The following C12orf50 variants were observed in gnomAD, a reference collection of about 807,000 sequenced individuals.
C12orf50 encodes uncharacterized protein C12orf50.
C12orf50 carries 35 observed loss-of-function variants against 61.6 expected under a neutral mutation model. The ratio of observed to expected loss-of-function variants is 0.57; its 90% CI spans 0.43 to 0.75. The LOEUF (loss-of-function observed/expected upper bound fraction) is 0.75. C12orf50 is among the 30% of genes least tolerant of loss of function. C12orf50 has a pLI of 0.00. For missense variants in C12orf50, 475 were observed against 488.5 expected, an observed-to-expected ratio of 0.97 and a Z score of 0.26; for synonymous variants, 178 against 161.5, an observed-to-expected ratio of 1.10 and a Z score of -0.77.
In C12orf50 at chr12:87,986,332, G is replaced by A. The variant is rs2030820055; in HGVS notation, c.902C>T (p.Pro301Leu). 1 of 1,605,492 alleles carries A rather than the reference G, an allele frequency of 6.2e-7. No individual in the cohort carries two copies. The highest frequency in any genetic ancestry group is 1.7e-5 in the Admixed American group (1 of 58,946). Residue 301 changes from proline (P) to leucine (L), a missense_variant, in exon 10 of 13, where the codon CCT becomes CTT. By Grantham distance (98) the Pro-to-Leu change is moderately conservative (BLOSUM62 -3). Coordinates refer to ENST00000298699, the MANE Select transcript of C12orf50 (RefSeq NM_152589.3). Reference sequence around the variant, plus strand: ...CTTACCTCTCTGCATTCCAGAGTTAGGAAAGTTCTGTGGTTCATCATAAAT... The same window carrying A: ...CTTACCTCTCTGCATTCCAGAGTTAAGAAAGTTCTGTGGTTCATCATAAAT... Reference protein sequence around the residue: ...KWIYDEPQNFPNSGMQRAVQA... With the variant: ...KWIYDEPQNFLNSGMQRAVQA...
At position 87,994,871 on chromosome 12, in the gene C12orf50, C is replaced by A. The variant is rs954170101; in HGVS notation, c.482-128G>T. ...ATGCAAGTATTGTTTGCACAGTGAT[C>A]TGATAAACAATAAATTAATAAATAC... is the stretch of plus-strand genomic sequence containing the variant. On this transcript the variant is annotated intron_variant, in intron 6 of 12. Coordinates refer to ENST00000298699, the MANE Select transcript of C12orf50 (RefSeq NM_152589.3). 8 of 594,818 alleles carry A rather than the reference C, an allele frequency of 1.3e-5. No individual in the cohort carries two copies. The Admixed American group carries it at 2.4e-4, about 18-fold the overall frequency. The allele number at this position is 594,818 out of a possible 1,614,324, so 36.8% of individuals were successfully genotyped here. A position where few individuals can be genotyped will look rare whatever the true frequency, so the allele number is the denominator to read the frequency against.
intron 3 of C12orf50, among the ~76,000 whole-genome samples, chr12:87,999,369 T>C (rs2031556062): frequency 6.6e-6 from 1 of 152,006 alleles, no homozygotes; most frequent in Non-Finnish European, 1.5e-5. Flanking sequence ...AGGCTGCATT[T>C]AGCCGAGATC....
chr12:88,008,826 G>A (rs2031989709), intron 3 of C12orf50, among the ~76,000 whole-genome samples: 1 of 151,986 alleles, frequency 6.6e-6, no homozygotes, highest in Non-Finnish European at 1.5e-5. Flanking sequence ...CTTTTTGTTT[G>A]TCCTTATGAT....
At chr12:88,018,968 A>G (rs1311188741) in intron 3 of C12orf50, among the ~76,000 whole-genome samples, 3 of 152,130 alleles carry the variant, frequency 2.0e-5, no homozygotes, top group African/African-American at 4.8e-5. Context: ...CTCAGATGAG[A>G]CTTTGGACTG....
intron 3 of C12orf50, among the ~76,000 whole-genome samples, chr12:88,003,845 T>TC (rs2031748104): frequency 6.6e-6 from 1 of 152,168 alleles, no homozygotes; most frequent in Non-Finnish European, 1.5e-5. Context: ...CAGATTAATT[T>TC]TTTAATTAAA....
chr12:88,018,789 G>T (rs909819237), intron 3 of C12orf50, among the ~76,000 whole-genome samples: 17 of 152,230 alleles, frequency 1.1e-4, no homozygotes, highest in African/African-American at 3.9e-4. Flanking sequence ...AGATTTGTCT[G>T]CCCTGCTGGA....
At chr12:88,002,400 A>T (rs938878549) in intron 3 of C12orf50, among the ~76,000 whole-genome samples, 4 of 151,822 alleles carry the variant, frequency 2.6e-5, no homozygotes, top group Non-Finnish European at 5.9e-5. Context: ...ATCACCTAGA[A>T]TGTGATCTAT....
chr12:87,998,075 T>G lies in C12orf50; in HGVS notation c.249A>C (p.Lys83Asn). The G allele has an allele frequency of 6.2e-6, 10 of 1,612,218 alleles. No homozygotes were observed. The highest frequency in any genetic ancestry group is 7.6e-6 in the Non-Finnish European group (9 of 1,179,048). ...SRPIHHPLVL[K>N]TNFEEEEEVD... ...CTTCCTCTTCTTCCTCAAAATTAGT[T>G]TTTAAAACTAAAGGATGGTGGATGG... The change falls in exon 4 of 13, where the codon AAA becomes AAC. Residue 83 changes from lysine (K) to asparagine (N), a missense_variant. Coordinates refer to ENST00000298699, the MANE Select transcript of C12orf50 (RefSeq NM_152589.3).
intron 3 of C12orf50, among the ~76,000 whole-genome samples, chr12:88,001,023 C>G (rs1252988251): frequency 6.6e-6 from 1 of 151,758 alleles, no homozygotes; most frequent in African/African-American, 2.4e-5. Flanking sequence ...GATGTTGCAA[C>G]AATTTCCCTG....
At chr12:88,002,769 T>G (rs570529808) in intron 3 of C12orf50, among the ~76,000 whole-genome samples, 1 of 151,884 alleles carries the variant, frequency 6.6e-6, no homozygotes, top group East Asian at 1.9e-4. Flanking sequence ...GTTCTGCTGT[T>G]TCTCTTTCTT....
intron 12 of C12orf50, 129 bp from the exon 13 acceptor site, chr12:87,980,485 A>G: frequency 1.3e-6 from 1 of 795,692 alleles, no homozygotes; most frequent in East Asian, 2.6e-5. Context: ...GTTTTAACTT[A>G]TAAATTTTCA....
In C12orf50 at chr12:87,986,024, T is replaced by C. The variant is rs1357274650; in HGVS notation, c.952A>G (p.Met318Val). The C allele has an allele frequency of 1.9e-6, 3 of 1,613,726 alleles. No individual in the cohort carries two copies. Among genetic ancestry groups the C allele is most frequent in the Non-Finnish European group, 2.5e-6 (3 of 1,179,834 alleles). ...TTTTTATTATTGCGGTGATAACTCATTTTATTTTGGGGTCTTGGGGCCTGT... is the reference window on the plus strand; with the variant it reads ...TTTTTATTATTGCGGTGATAACTCACTTTATTTTGGGGTCTTGGGGCCTGT... ...AVQAPRPQNK[M>V]SYHRNNKNRN... The change falls in exon 11 of 13, where the codon ATG (methionine) becomes GTG (valine). Residue 318 changes from methionine (M) to valine (V), a missense_variant. Transcript: ENST00000298699.
intron 3 of C12orf50, among the ~76,000 whole-genome samples, chr12:88,008,219 C>A (rs1592671273): frequency 6.6e-6 from 1 of 152,128 alleles, no homozygotes; most frequent in African/African-American, 2.4e-5. Flanking sequence ...CTCCTCCAAC[C>A]CTCTACCCTC....
chr12:88,015,377 C>A (rs2032274581), intron 3 of C12orf50, among the ~76,000 whole-genome samples: 1 of 152,030 alleles, frequency 6.6e-6, no homozygotes, highest in Non-Finnish European at 1.5e-5. Context: ...GAAAGCTGAC[C>A]AAAGTTTAAT....
rs1288485514 is a variant in C12orf50 at position 88,021,146 on chromosome 12, C to A, written c.133+5342G>T. On this transcript the variant is annotated intron_variant, in intron 3 of 12. Coordinates refer to ENST00000298699, the MANE Select transcript of C12orf50 (RefSeq NM_152589.3). ...AACTAGAGAAGTAAGAGAAAACCAA[C>A]CCTAAAGCTGGCAGAAGACAAGAAA... Among the ~76,000 whole-genome samples the A allele has an allele frequency of 2.0e-5, 3 of 152,156 alleles. No homozygotes were observed. The South Asian group carries it at 6.2e-4, about 32-fold the overall frequency.
At chr12:87,985,439 C>T (rs572400044) in intron 11 of C12orf50, 60 of 179,356 alleles carry the variant, frequency 3.3e-4, no homozygotes, top group African/African-American at 1.4e-3. Flanking sequence ...ATCCCCAAAC[C>T]AACCCTTTCA....
At chr12:87,980,750 C>T (rs995569704) in intron 12 of C12orf50, among the ~76,000 whole-genome samples, 1 of 152,142 alleles carries the variant, frequency 6.6e-6, no homozygotes, top group Admixed American at 6.6e-5. Context: ...TCAGCTTCTG[C>T]CCCTAATTCC....
chr12:88,008,714 C>A (rs1044502781), intron 3 of C12orf50, among the ~76,000 whole-genome samples: 6 of 151,954 alleles, frequency 3.9e-5, no homozygotes, highest in African/African-American at 1.5e-4. Context: ...AAAGCCAACA[C>A]CTAAGTCATG....
At chr12:88,022,254 T>TA (rs2032544095) in intron 3 of C12orf50, among the ~76,000 whole-genome samples, 1 of 151,788 alleles carries the variant, frequency 6.6e-6, no homozygotes, top group Non-Finnish European at 1.5e-5. Context: ...CATATTGAGA[T>TA]ATGATTACCT....
Sources: gnomAD v4.1 joint callset for allele counts (sites outside exome capture counted in the v4.1 genomes callset) on GRCh38, gnomAD v4.1.1 for gene constraint, MANE v1.5 for transcripts, NCBI Gene and HGNC (gene_info 2026-07-23, HGNC 2026-07-21) for gene names.